SORCS2: variants seen among roughly 807,000 people sequenced by gnomAD.
SORCS2 encodes sortilin related VPS10 domain containing receptor 2.
SORCS2 carries 100 observed loss-of-function variants against 141.6 expected under a neutral mutation model. The ratio of observed to expected loss-of-function variants is 0.71; its 90% CI spans 0.60 to 0.83. The LOEUF is 0.83. Among genes scored for constraint, SORCS2 ranks in the 40% least tolerant of loss-of-function variants. The probability of loss-of-function intolerance (pLI) is 0.00; values close to 1 mark genes in which losing one functional copy is unlikely to be tolerated. For synonymous variants in SORCS2, 789 were observed against 676.9 expected, an observed-to-expected ratio of 1.17 and a Z score of -2.57; for missense variants, 1,646 against 1,560.2, an observed-to-expected ratio of 1.05 and a Z score of -0.93.
intron 12 of SORCS2, among the ~76,000 whole-genome samples, chr4:7,698,959 C>T (rs892344935): frequency 1.3e-5 from 2 of 152,070 alleles, no homozygotes; most frequent in South Asian, 2.1e-4. Flanking sequence ...GGACGGTCTC[C>T]GTGGCTTCCT....
At chr4:7,454,875 G>A (rs1728771407) in intron 2 of SORCS2, among the ~76,000 whole-genome samples, 2 of 141,556 alleles carry the variant, frequency 1.4e-5, no homozygotes, top group East Asian at 2.2e-4. Flanking sequence ...CAGGTGCTGT[G>A]TGTTGGGGTC....
At chr4:7,415,607 T>C (rs1017761000) in intron 2 of SORCS2, among the ~76,000 whole-genome samples, 1 of 152,228 alleles carries the variant, frequency 6.6e-6, no homozygotes, top group African/African-American at 2.4e-5. Flanking sequence ...GTAATATGCT[T>C]GCGCTGTGAG....
chr4:7,554,179 A>G (rs1205346646), intron 3 of SORCS2, among the ~76,000 whole-genome samples: 2 of 152,100 alleles, frequency 1.3e-5, no homozygotes, highest in African/African-American at 4.8e-5. Context: ...CATGGGGAGG[A>G]CAGGACCAGG....
At chr4:7,609,588 A>G (rs1321267202) in intron 3 of SORCS2, among the ~76,000 whole-genome samples, 1 of 152,258 alleles carries the variant, frequency 6.6e-6, no homozygotes, top group Non-Finnish European at 1.5e-5. Context: ...GCCTTGCAGA[A>G]GGCAGGGAAC....
chr4:7,213,484 G>A (rs13143421), intron 1 of SORCS2, among the ~76,000 whole-genome samples: 30,382 of 152,156 alleles, frequency 0.2, 3,927 homozygotes, highest in African/African-American at 0.36. Flanking sequence ...GGTGGTTGTC[G>A]TAGCCTTGGA....
intron 2 of SORCS2, among the ~76,000 whole-genome samples, chr4:7,514,026 G>A (rs76558830): frequency 0.014 from 2,116 of 152,250 alleles, 26 homozygotes; most frequent in Non-Finnish European, 0.022. Context: ...TTTGGGCATC[G>A]TGCGTGCATT....
intron 2 of SORCS2, among the ~76,000 whole-genome samples, chr4:7,440,401 G>A (rs544409302): frequency 6.6e-6 from 1 of 152,352 alleles, no homozygotes; most frequent in Admixed American, 6.5e-5. Flanking sequence ...GCACGAATAG[G>A]AACAACATGC....
chr4:7,426,084 G>T (rs979996888), intron 2 of SORCS2, among the ~76,000 whole-genome samples: 1 of 152,164 alleles, frequency 6.6e-6, no homozygotes, highest in Admixed American at 6.5e-5. Flanking sequence ...ATTCTCCATC[G>T]CTTGCTGTTC....
intron 3 of SORCS2, among the ~76,000 whole-genome samples, chr4:7,569,996 C>T (rs1346682123): frequency 6.6e-6 from 1 of 152,182 alleles, no homozygotes; most frequent in East Asian, 1.9e-4. Context: ...CTCTCCTGGG[C>T]AGGGGACGAG....
At chr4:7,413,534 C>T (rs1047545131) in intron 2 of SORCS2, among the ~76,000 whole-genome samples, 2 of 151,912 alleles carry the variant, frequency 1.3e-5, no homozygotes, top group Admixed American at 6.6e-5. Context: ...GCTACATGCG[C>T]CCGCCACCAT....
intron 1 of SORCS2, among the ~76,000 whole-genome samples, chr4:7,285,720 C>T (rs1402611900): frequency 3.9e-5 from 6 of 152,234 alleles, no homozygotes; most frequent in Admixed American, 3.9e-4. Flanking sequence ...GAGGACCAGA[C>T]CGCCAACAGA....
chr4:7,259,378 T>C (rs927748466), intron 1 of SORCS2, among the ~76,000 whole-genome samples: 2 of 152,194 alleles, frequency 1.3e-5, no homozygotes, highest in African/African-American at 4.8e-5. Flanking sequence ...AGAACCCACA[T>C]TCTCAAGCAC....
chr4:7,521,103 C>G (rs1181392876), intron 2 of SORCS2, among the ~76,000 whole-genome samples: 1 of 152,084 alleles, frequency 6.6e-6, no homozygotes, highest in Non-Finnish European at 1.5e-5. Context: ...GGAAGGTGTC[C>G]TCCTGTTCTG....
chr4:7,415,692 T>A (rs1262043245), intron 2 of SORCS2, among the ~76,000 whole-genome samples: 1 of 152,252 alleles, frequency 6.6e-6, no homozygotes, highest in Non-Finnish European at 1.5e-5. Context: ...AGAACGATGG[T>A]CAGAAGTTAT....
intron 3 of SORCS2, among the ~76,000 whole-genome samples, chr4:7,577,211 T>C (rs1430184016): frequency 6.6e-6 from 1 of 152,014 alleles, no homozygotes; most frequent in Non-Finnish European, 1.5e-5. Flanking sequence ...GGAGAGAGGA[T>C]GAAACTGATG....
intron 1 of SORCS2, among the ~76,000 whole-genome samples, chr4:7,295,895 G>A (rs141051275): frequency 1.6e-4 from 25 of 152,332 alleles, no homozygotes; most frequent in Admixed American, 4.6e-4. Flanking sequence ...TGTGGAGAAC[G>A]CCAGGACGGC....
chr4:7,661,046 T>A (rs1722128620), intron 5 of SORCS2, among the ~76,000 whole-genome samples: 1 of 152,208 alleles, frequency 6.6e-6, no homozygotes, highest in Admixed American at 6.5e-5. Context: ...AGCCACAGTT[T>A]CCATATTTAT....
chr4:7,341,160 C>T (rs1028825852), intron 1 of SORCS2, among the ~76,000 whole-genome samples: 1 of 152,234 alleles, frequency 6.6e-6, no homozygotes, highest in African/African-American at 2.4e-5. Context: ...GGTCTGCGTG[C>T]AGGAAATGTT....
intron 2 of SORCS2, among the ~76,000 whole-genome samples, chr4:7,399,288 C>G (rs1040911085): frequency 6.6e-6 from 1 of 151,822 alleles, no homozygotes; most frequent in Non-Finnish European, 1.5e-5. Context: ...GGATGGAAGG[C>G]TGGCGGTGCC....
Sources: gnomAD v4.1 joint callset for allele counts (sites outside exome capture counted in the v4.1 genomes callset) on GRCh38, gnomAD v4.1.1 for gene constraint, MANE v1.5 for transcripts, NCBI Gene and HGNC (gene_info 2026-07-23, HGNC 2026-07-21) for gene names.